MACROD2: variants seen among roughly 807,000 people sequenced by gnomAD.
MACROD2 encodes the protein ADP-ribose glycohydrolase MACROD2.
In MACROD2, 36 loss-of-function variants were observed where a neutral mutation model predicts 70.4. That is an observed-to-expected ratio of 0.51 (90% confidence interval 0.39 to 0.68). The LOEUF is 0.68. Ranked by LOEUF, MACROD2 falls within the 30% of genes least tolerant of loss-of-function variation. MACROD2 has a pLI of 0.00. For synonymous variants in MACROD2, 172 were observed against 178.8 expected (o/e 0.96, Z 0.30); for missense variants, 496 against 538.4 (o/e 0.92, Z 0.78).
chr20:15,133,702 T>C (rs956470646), intron 5 of MACROD2, among the ~76,000 whole-genome samples: 4 of 152,144 alleles, frequency 2.6e-5, no homozygotes, highest in Non-Finnish European at 5.9e-5. Flanking sequence ...CCAACATGTT[T>C]GTACAATGAT....
intron 5 of MACROD2, among the ~76,000 whole-genome samples, chr20:15,134,025 G>T (rs2076126630): frequency 1.4e-5 from 2 of 147,660 alleles, no homozygotes; most frequent in African/African-American, 5.0e-5. Flanking sequence ...TCCTGCCTCA[G>T]CCTCCCGCGT....
At chr20:14,679,655 G>T (rs78419549) in intron 4 of MACROD2, among the ~76,000 whole-genome samples, 4,539 of 152,022 alleles carry the variant, frequency 0.03, 97 homozygotes, top group Non-Finnish European at 0.044. Flanking sequence ...ACATATAGGG[G>T]TATTACCTTT....
chr20:15,318,290 C>A lies in MACROD2; in HGVS notation c.540+88229C>A, dbSNP rs1251043989. 3.9e-5 allele frequency among the ~76,000 whole-genome samples: 6 copies of A among 152,140 alleles called. No homozygotes were observed. In the East Asian group the frequency reaches 1.2e-3, roughly 29 times the overall value. On this transcript the variant is annotated intron_variant, in intron 6 of 17. Transcript: ENST00000684519. ...GTAGCAAAACTGACTCATGAAGAAA[C>A]AAAATTTGAACAGATTTATATAACA...
chr20:14,631,185 G>A (rs1233210799), intron 4 of MACROD2, among the ~76,000 whole-genome samples: 1 of 152,070 alleles, frequency 6.6e-6, no homozygotes, highest in African/African-American at 2.4e-5. Flanking sequence ...TAATCAAACT[G>A]AACTTTGAAA....
chr20:15,563,774 T>C (rs2048275675), intron 8 of MACROD2, among the ~76,000 whole-genome samples: 1 of 152,180 alleles, frequency 6.6e-6, no homozygotes, highest in South Asian at 2.1e-4. Context: ...AAAAGTAGTT[T>C]GAAAGACAGG....
intron 8 of MACROD2, among the ~76,000 whole-genome samples, chr20:15,516,896 A>G (rs906411684): frequency 5.3e-5 from 8 of 152,224 alleles, no homozygotes; most frequent in African/African-American, 1.9e-4. Context: ...ATCACATAAC[A>G]GTTGTTGCAG....
At chr20:14,593,434 G>C (rs1460973399) in intron 4 of MACROD2, among the ~76,000 whole-genome samples, 1 of 152,172 alleles carries the variant, frequency 6.6e-6, no homozygotes, top group Admixed American at 6.6e-5. Flanking sequence ...ATACTCAGTA[G>C]TTTGGAAATG....
intron 6 of MACROD2, among the ~76,000 whole-genome samples, chr20:15,368,833 A>T (rs1415657396): frequency 6.6e-6 from 1 of 152,136 alleles, no homozygotes; most frequent in African/African-American, 2.4e-5. Context: ...TGCTAGTTTC[A>T]ACCTGAGTTG....
intron 5 of MACROD2, among the ~76,000 whole-genome samples, chr20:15,029,487 T>C (rs1202056784): frequency 6.6e-6 from 1 of 152,172 alleles, no homozygotes; most frequent in East Asian, 1.9e-4. Flanking sequence ...ACTTAGAATT[T>C]TCATATCTAA....
intron 6 of MACROD2, among the ~76,000 whole-genome samples, chr20:15,296,387 CTTA>C (rs951152537): frequency 6.6e-5 from 10 of 152,126 alleles, no homozygotes; most frequent in Admixed American, 6.6e-4. Context: ...AAAATGATCA[CTTA>C]TTAATTCTGT....
chr20:14,976,409 G>T (rs2074740061), intron 5 of MACROD2, among the ~76,000 whole-genome samples: 1 of 152,046 alleles, frequency 6.6e-6, no homozygotes, highest in African/African-American at 2.4e-5. Context: ...TCCAGCCTCT[G>T]CCCCCATCCT....
intron 3 of MACROD2, among the ~76,000 whole-genome samples, chr20:14,162,664 T>C (rs2055207347): frequency 6.6e-6 from 1 of 152,160 alleles, no homozygotes; most frequent in Non-Finnish European, 1.5e-5. Context: ...ATCTGTTTTA[T>C]CTAAGTATAG....
At chr20:15,481,539 C>G (rs566002418) in intron 7 of MACROD2, among the ~76,000 whole-genome samples, 6 of 152,026 alleles carry the variant, frequency 3.9e-5, no homozygotes, top group Non-Finnish European at 8.8e-5. Context: ...GAGATAATCT[C>G]AAATATGAAT....
chr20:15,214,934 G>A (rs1690254257), intron 5 of MACROD2, among the ~76,000 whole-genome samples: 1 of 152,148 alleles, frequency 6.6e-6, no homozygotes, highest in Non-Finnish European at 1.5e-5. Flanking sequence ...GGGCAGCTAA[G>A]TTTGTAACAA....
chr20:14,287,683 G>A (rs750314730), intron 3 of MACROD2, among the ~76,000 whole-genome samples: 2 of 152,246 alleles, frequency 1.3e-5, no homozygotes, highest in African/African-American at 4.8e-5. Context: ...CTGCAATCAA[G>A]GTTTGAGCCA....
At chr20:14,901,651 T>C (rs1287391947) in intron 5 of MACROD2, among the ~76,000 whole-genome samples, 1 of 152,172 alleles carries the variant, frequency 6.6e-6, no homozygotes, top group Non-Finnish European at 1.5e-5. Context: ...TAAAATTACC[T>C]TTGCATTTTA....
intron 5 of MACROD2, among the ~76,000 whole-genome samples, chr20:14,774,331 T>C (rs938256177): frequency 3.3e-5 from 5 of 152,108 alleles, no homozygotes; most frequent in African/African-American, 7.2e-5. Context: ...CAATACTCCC[T>C]AACAGTCTGC....
intron 4 of MACROD2, among the ~76,000 whole-genome samples, chr20:14,570,956 A>G (rs1321891009): frequency 1.3e-5 from 2 of 152,028 alleles, no homozygotes; most frequent in Non-Finnish European, 2.9e-5. Context: ...CCTCCCACGT[A>G]TCTCCAATTC....
At chr20:14,944,083 T>C (rs2074411171) in intron 5 of MACROD2, among the ~76,000 whole-genome samples, 1 of 152,162 alleles carries the variant, frequency 6.6e-6, no homozygotes. Flanking sequence ...AGTTTTATCA[T>C]TCCCCAAAAC....
Sources: allele counts gnomAD v4.1 joint callset (sites outside exome capture counted in the v4.1 genomes callset), GRCh38; gene constraint gnomAD v4.1.1; transcripts MANE v1.5; gene names NCBI Gene and HGNC (gene_info 2026-07-23, HGNC 2026-07-21).